Variants in PRKN observed in about 807,000 individuals in gnomAD.
PRKN encodes the protein E3 ubiquitin-protein ligase parkin.
PRKN carries 56 observed loss-of-function variants against 59.5 expected under a neutral mutation model. That is an observed-to-expected ratio of 0.94 (90% CI 0.76 to 1.18). The LOEUF (loss-of-function observed/expected upper bound fraction) is 1.18, where lower values mean the gene tolerates loss of function less well. Ranked by LOEUF, PRKN falls within the 50% of genes most tolerant of loss-of-function variation. The pLI, the probability that PRKN is intolerant of heterozygous loss-of-function variation, is 0.00. For synonymous variants in PRKN, 250 were observed against 222.1 expected (o/e 1.13, Z -1.12); for missense variants, 657 against 596.4 (o/e 1.10, Z -1.06).
Position 161,827,738 on chromosome 6 carries a change from C to T in PRKN, c.735-41830G>A, listed in dbSNP as rs148664179. ...GGCCAGTCTGCTCTTGAACTCCTGACCTTAGGTGATCCACCCACCTTGGCC... is the reference window on the plus strand; with the variant it reads ...GGCCAGTCTGCTCTTGAACTCCTGATCTTAGGTGATCCACCCACCTTGGCC... On this transcript the variant is annotated intron_variant, in intron 6 of 11. Coordinates refer to ENST00000366898, the MANE Select transcript of PRKN (RefSeq NM_004562.3). Among the ~76,000 whole-genome samples, 132 of 152,204 alleles carry T rather than the reference C, an allele frequency of 8.7e-4. 1 individual carries two copies. In the East Asian group the frequency reaches 0.022, roughly 25 times the overall value.
intron 1 of PRKN, among the ~76,000 whole-genome samples, chr6:162,467,000 T>C (rs1037926068): frequency 6.6e-6 from 1 of 152,132 alleles, no homozygotes; most frequent in Non-Finnish European, 1.5e-5. Flanking sequence ...AATTAACAAA[T>C]CTGGTTAGGA....
In PRKN at chr6:161,554,510, C is replaced by T. The variant is rs1780158267; in HGVS notation, c.934-5507G>A. ...ATTTTGATTGCTTGAATCTTGTTCT[C>T]TAGTAAATTCCTCAGGAAGAGTTCC... On this transcript the variant is annotated intron_variant, in intron 8 of 11. Coordinates refer to ENST00000366898, the MANE Select transcript of PRKN (RefSeq NM_004562.3). This position sits in a 1 kb window ranked among gnomAD's most constrained non-coding sequence, Gnocchi z 4.5. 6.6e-6 allele frequency among the ~76,000 whole-genome samples: 1 copy of T among 151,780 alleles called. No homozygotes were observed. Among genetic ancestry groups the T allele is most frequent in the African/African-American group, 2.4e-5 (1 of 41,292 alleles).
intron 9 of PRKN, among the ~76,000 whole-genome samples, chr6:161,495,151 A>G (rs1434138370): frequency 6.6e-6 from 1 of 152,202 alleles, no homozygotes. Flanking sequence ...GATATCTTAT[A>G]TTCTTCTATG....
At position 161,560,166 on chromosome 6, in the gene PRKN, T is replaced by C. The variant is rs1780403594; in HGVS notation, c.933+9189A>G. ...TGCTTCCCTCTCTCCTAAGCCTTTT[T>C]TCTGTGTCCCCTGAAATTCCTGTTC... On this transcript the variant is annotated intron_variant, in intron 8 of 11. Transcript: ENST00000366898. The surrounding 1 kb of genome is among the most constrained non-coding windows in gnomAD (Gnocchi z 4.9). Among the ~76,000 whole-genome samples the C allele has an allele frequency of 6.6e-6, 1 of 152,220 alleles. No individual in the cohort carries two copies. Among genetic ancestry groups the C allele is most frequent in the Non-Finnish European group, 1.5e-5 (1 of 68,042 alleles).
chr6:162,479,753 A>ACCTTT (rs1232621708), intron 1 of PRKN, among the ~76,000 whole-genome samples: 6 of 92,282 alleles, frequency 6.5e-5, no homozygotes, highest in Admixed American at 5.7e-4. Context: ...TTTTACAGTT[A>ACCTTT]TCTGTTTTTT....
rs1443802023 is a variant in PRKN at position 161,444,358 on chromosome 6, G to C, written c.1084-57481C>G. Among the ~76,000 whole-genome samples the C allele has an allele frequency of 6.6e-6, 1 of 152,158 alleles. No individual in the cohort carries two copies. Among genetic ancestry groups the C allele is most frequent in the Non-Finnish European group, 1.5e-5 (1 of 68,026 alleles). On this transcript the variant is annotated intron_variant, in intron 9 of 11. Coordinates refer to ENST00000366898, the MANE Select transcript of PRKN (RefSeq NM_004562.3). The surrounding 1 kb of genome is among the most constrained non-coding windows in gnomAD (Gnocchi z 5.6). ...ATGAACAGAATGTGCTCTGTAATGG[G>C]TTTAGCCAAAGCATCCCCACCACCT... is the stretch of plus-strand genomic sequence containing the variant.
intron 4 of PRKN, among the ~76,000 whole-genome samples, chr6:162,137,585 A>G (rs529048194): frequency 7.7e-4 from 117 of 152,322 alleles, no homozygotes; most frequent in African/African-American, 2.8e-3. Flanking sequence ...ATTGGCTCAC[A>G]GCTCTGGGGA....
intron 2 of PRKN, among the ~76,000 whole-genome samples, chr6:162,364,977 CTCT>C (rs1293448974): frequency 5.1e-5 from 7 of 138,186 alleles, no homozygotes; most frequent in African/African-American, 1.4e-4. Context: ...CTCTCTCTCT[CTCT>C]TTTTTTTTTT....
chr6:162,727,745 C>T lies in PRKN; in HGVS notation c.-77G>A, dbSNP rs756731328. On this transcript the variant is annotated 5_prime_UTR_variant, in exon 1 of 12. Transcript: ENST00000366898. ...CGGCGCCAGCCGCGCCTCCCACCAG[C>T]GGCTCTCCTGGGTTAAATCCTCCAG... 2.0e-6 allele frequency: 3 copies of T among 1,469,522 alleles called. No individual in the cohort carries two copies. The highest frequency in any genetic ancestry group is 2.0e-5 in the Admixed American group (1 of 50,824). The allele number at this position is 1,469,522 out of a possible 1,614,324, so 91.0% of individuals were successfully genotyped here. A position where few individuals can be genotyped will look rare whatever the true frequency, so the allele number is the denominator to read the frequency against.
At chr6:162,283,524 T>C (rs1251235895) in intron 2 of PRKN, among the ~76,000 whole-genome samples, 1 of 152,118 alleles carries the variant, frequency 6.6e-6, no homozygotes, top group Non-Finnish European at 1.5e-5. Flanking sequence ...TAGAGAAGCA[T>C]AGAGTGAAAA....
chr6:162,263,841 C>T (rs768399416), intron 2 of PRKN, among the ~76,000 whole-genome samples: 1 of 152,040 alleles, frequency 6.6e-6, no homozygotes, highest in Non-Finnish European at 1.5e-5. Context: ...GTAATCCCAG[C>T]TACTCGGGAG....
intron 2 of PRKN, chr6:162,270,615 C>T (rs961225018): frequency 3.3e-5 from 5 of 152,146 alleles, no homozygotes; most frequent in Admixed American, 6.5e-5. Context: ...TAATAGACTA[C>T]ATTTTCTATC....
chr6:161,927,931 A>G (rs4709558), intron 6 of PRKN, among the ~76,000 whole-genome samples: 12,681 of 152,282 alleles, frequency 0.083, 757 homozygotes, highest in East Asian at 0.32. Context: ...GAACAAGGAT[A>G]ACATTTATGT....
intron 9 of PRKN, among the ~76,000 whole-genome samples, chr6:161,509,108 T>G (rs974473899): frequency 6.6e-6 from 1 of 152,146 alleles, no homozygotes; most frequent in Admixed American, 6.5e-5. Flanking sequence ...CCTCCCAAAG[T>G]GCTGGGATTA....
chr6:161,721,142 T>C (rs6935325), intron 7 of PRKN, among the ~76,000 whole-genome samples: 23,846 of 152,190 alleles, frequency 0.16, 3,096 homozygotes, highest in African/African-American at 0.35. Flanking sequence ...ATTGTTATTG[T>C]TGTTATTTTT....
intron 2 of PRKN, chr6:162,263,304 T>A (rs1489253517): frequency 1.6e-5 from 3 of 191,920 alleles, no homozygotes; most frequent in Non-Finnish European, 2.2e-5. Context: ...GTCATTCATC[T>A]CTGTTTTACA....
At chr6:162,011,454 AATAT>A (rs1491403197) in intron 5 of PRKN, among the ~76,000 whole-genome samples, 2 of 21,186 alleles carry the variant, frequency 9.4e-5, no homozygotes, top group South Asian at 1.3e-3. Context: ...TATAATATAT[AATAT>A]ATATATTATA....
intron 1 of PRKN, among the ~76,000 whole-genome samples, chr6:162,491,035 G>A (rs1449610512): frequency 2.0e-5 from 3 of 152,010 alleles, no homozygotes; most frequent in African/African-American, 2.4e-5. Context: ...CCCAGGAGGC[G>A]GGGGTTGTGG....
intron 2 of PRKN, among the ~76,000 whole-genome samples, chr6:162,386,536 T>A (rs1786821834): frequency 6.6e-6 from 1 of 152,180 alleles, no homozygotes; most frequent in African/African-American, 2.4e-5. Flanking sequence ...CTCTGGTGGG[T>A]CTGGTAAGGC....
Sources: allele counts gnomAD v4.1 joint callset (sites outside exome capture counted in the v4.1 genomes callset), GRCh38; gene constraint gnomAD v4.1.1; non-coding constraint Gnocchi (gnomAD v3.1); transcripts MANE v1.5; gene names NCBI Gene and HGNC (gene_info 2026-07-23, HGNC 2026-07-21).